Variants in ANKIB1 observed in about 807,000 individuals in gnomAD.
ANKIB1 encodes ankyrin repeat and IBR domain containing 1.
Under a neutral mutation model 122.1 loss-of-function variants are expected in ANKIB1, and 43 were observed. The ratio of observed to expected loss-of-function variants is 0.35; its 90% CI spans 0.28 to 0.45. The LOEUF (loss-of-function observed/expected upper bound fraction) is 0.45. ANKIB1 is among the 20% of genes least tolerant of loss of function. The pLI is 1.00. For missense variants in ANKIB1, 992 were observed against 1,329.5 expected, an observed-to-expected ratio of 0.75 and a Z score of 3.95; for synonymous variants, 390 against 442.0, an observed-to-expected ratio of 0.88 and a Z score of 1.48.
In ANKIB1 at chr7:92,400,566, T is replaced by G. The variant is rs1804993122; in HGVS notation, c.*1617T>G. The stretch of plus-strand genomic sequence containing the variant: ...TTAATATTGTTATCCACAAGAGATG[T>G]GATTATGGGTTTTGATTACTTTTTT... On this transcript the variant is annotated 3_prime_UTR_variant, in exon 20 of 20. Transcript: ENST00000265742. 6.6e-6 allele frequency: 1 copy of G among 152,144 alleles called. No homozygotes were observed. The allele number at this position is 152,144 out of a possible 1,614,324, so 9.4% of individuals were successfully genotyped here.
Position 92,399,061 on chromosome 7 carries a change from ACATTAGG to A in ANKIB1, c.*113_*119del. ...ATTCCAACTCAGTGATAAACCACTG[ACATTAGG>A]GTTGAATACAGAGAAGTTCCCTTGA... is the stretch of plus-strand genomic sequence containing the variant. On this transcript the variant is annotated 3_prime_UTR_variant, in exon 20 of 20. Transcript: ENST00000265742. 1.2e-5 allele frequency: 15 copies of A among 1,254,658 alleles called. No individual in the cohort carries two copies. The highest frequency in any genetic ancestry group is 1.4e-5 in the Non-Finnish European group (13 of 947,842). 77.7% of individuals were successfully genotyped at this position (1,254,658 alleles called of 1,614,324 possible).
At chr7:92,309,403 C>A (rs760939685) in intron 3 of ANKIB1, among the ~76,000 whole-genome samples, 2 of 152,056 alleles carry the variant, frequency 1.3e-5, no homozygotes, top group Non-Finnish European at 2.9e-5. Context: ...TGTTTTCTAA[C>A]GTTGATTCAC....
At chr7:92,257,049 G>A (rs1188553036) in intron 1 of ANKIB1, among the ~76,000 whole-genome samples, 1 of 152,026 alleles carries the variant, frequency 6.6e-6, no homozygotes, top group Non-Finnish European at 1.5e-5. Context: ...AATTAGCTGG[G>A]CATGGTGGTG....
At position 92,351,000 on chromosome 7, in the gene ANKIB1, C is replaced by T. The variant is rs1335521288; in HGVS notation, c.1136C>T (p.Pro379Leu). The change falls in exon 8 of 20, where the codon CCT (proline) becomes CTT (leucine). Residue 379 changes from proline to leucine, a missense_variant. Physicochemically the swap from Pro to Leu is moderately conservative, Grantham distance 98. Transcript: ENST00000265742. ...QEGEAHNIFC[P>L]AYDCFQLVPV... is the part of the protein sequence containing the mutation. ...GGTGAAGCTCACAACATTTTTTGCC[C>T]TGCATATGATTGCTTCCAACTTGTA... 1.2e-6 allele frequency: 2 copies of T among 1,606,118 alleles called. No homozygotes were observed. Among genetic ancestry groups the T allele is most frequent in the Admixed American group, 1.7e-5 (1 of 58,878 alleles).
At chr7:92,378,075 A>G (rs1247018780) in intron 11 of ANKIB1, among the ~76,000 whole-genome samples, 5 of 152,230 alleles carry the variant, frequency 3.3e-5, no homozygotes, top group Admixed American at 2.0e-4. Context: ...AGTCCTAAAT[A>G]TTACAGGGAT....
intron 1 of ANKIB1, among the ~76,000 whole-genome samples, chr7:92,272,908 G>A (rs1455854983): frequency 6.6e-6 from 1 of 152,134 alleles, no homozygotes; most frequent in African/African-American, 2.4e-5. Context: ...TGTACAGCAT[G>A]TTACTGTACT....
At chr7:92,246,763 A>G (rs1213308713) in intron 1 of ANKIB1, among the ~76,000 whole-genome samples, 1 of 151,938 alleles carries the variant, frequency 6.6e-6, no homozygotes, top group Admixed American at 6.6e-5. Context: ...CATCCTCCCC[A>G]TCTGGATGCA....
chr7:92,388,109 A>G, intron 14 of ANKIB1, 68 bp downstream of exon 14: 1 of 1,392,092 alleles, frequency 7.2e-7, no homozygotes, highest in South Asian at 1.2e-5. Flanking sequence ...TTTCACTAGT[A>G]GGTTAGGCCC....
chr7:92,275,697 C>G (rs2131896603), intron 1 of ANKIB1, among the ~76,000 whole-genome samples: 1 of 152,230 alleles, frequency 6.6e-6, no homozygotes, highest in South Asian at 2.1e-4. Flanking sequence ...AGTGCACAAA[C>G]TAAATGGCGA....
chr7:92,304,316 T>G (rs1802511858), intron 2 of ANKIB1, among the ~76,000 whole-genome samples: 1 of 152,194 alleles, frequency 6.6e-6, no homozygotes, highest in Non-Finnish European at 1.5e-5. Context: ...TGAATAAATA[T>G]GTATAAAGAA....
At chr7:92,250,417 G>T (rs747135532) in intron 1 of ANKIB1, among the ~76,000 whole-genome samples, 30 of 152,036 alleles carry the variant, frequency 2.0e-4, no homozygotes, top group Non-Finnish European at 2.6e-4. Flanking sequence ...CAATAAAGCA[G>T]ATAATTATAT....
At chr7:92,318,129 T>C (rs1196734382) in intron 3 of ANKIB1, among the ~76,000 whole-genome samples, 1 of 152,190 alleles carries the variant, frequency 6.6e-6, no homozygotes, top group African/African-American at 2.4e-5. Flanking sequence ...TATGGGGTTG[T>C]TAATATTAAA....
At chr7:92,294,796 T>C (rs1372692613) in intron 1 of ANKIB1, 93 bp from the exon 2 acceptor site, 1 of 503,800 alleles carries the variant, frequency 2.0e-6, no homozygotes, top group Non-Finnish European at 3.4e-6. Flanking sequence ...TTATCGATGA[T>C]TCCCAGATTT....
intron 5 of ANKIB1, among the ~76,000 whole-genome samples, chr7:92,335,081 C>CT (rs1241410126): frequency 1.3e-5 from 2 of 151,422 alleles, no homozygotes; most frequent in Non-Finnish European, 3.0e-5. Context: ...ATCTTTTTTA[C>CT]TTTTTTTTCT....
At chr7:92,304,185 C>T (rs928164348) in intron 2 of ANKIB1, among the ~76,000 whole-genome samples, 5 of 151,908 alleles carry the variant, frequency 3.3e-5, no homozygotes, top group African/African-American at 4.8e-5. Context: ...GGAAGAGTCT[C>T]CTTTGAATTT....
intron 1 of ANKIB1, among the ~76,000 whole-genome samples, chr7:92,253,977 G>C (rs904879376): frequency 3.3e-5 from 5 of 152,164 alleles, no homozygotes; most frequent in African/African-American, 1.2e-4. Context: ...TATGAGTTCA[G>C]GAACCAACTC....
intron 19 of ANKIB1, 140 bp downstream of exon 19, chr7:92,397,999 G>A: frequency 7.9e-7 from 1 of 1,270,942 alleles, no homozygotes; most frequent in Non-Finnish European, 1.1e-6. Context: ...TGCAGGAAAA[G>A]ATATTCCTAT....
chr7:92,382,770 G>T, intron 11 of ANKIB1, among the ~76,000 whole-genome samples: 1 of 152,226 alleles, frequency 6.6e-6, no homozygotes, highest in African/African-American at 2.4e-5. Context: ...AGCACTAAAT[G>T]CCCACAAGAG....
Position 92,371,520 on chromosome 7 carries a change from C to T in ANKIB1, c.1530C>T (p.Leu510=). The change falls in exon 11 of 20, where the codon CTC becomes CTT. Residue 510 remains leucine (L), a synonymous_variant. Coordinates refer to ENST00000265742, the MANE Select transcript of ANKIB1 (RefSeq NM_019004.2). ...SEAYEDAANC[L]WLLTNSKPCA... ...CCTACGAGGATGCCGCCAATTGTCT[C>T]TGGTTATTAACTAACTCCAAGCCTT... 1 of 1,607,154 alleles carries T rather than the reference C, an allele frequency of 6.2e-7. No individual in the cohort carries two copies. Among genetic ancestry groups the T allele is most frequent in the Non-Finnish European group, 8.5e-7 (1 of 1,176,514 alleles).
Sources: gnomAD v4.1 joint callset for allele counts (sites outside exome capture counted in the v4.1 genomes callset) on GRCh38, gnomAD v4.1.1 for gene constraint, MANE v1.5 for transcripts, NCBI Gene and HGNC (gene_info 2026-07-23, HGNC 2026-07-21) for gene names.